Variants in CCDC39 observed in about 807,000 individuals in gnomAD.
CCDC39 encodes the protein coiled-coil domain 39 molecular ruler complex subunit.
In CCDC39, 113 loss-of-function variants were observed where a neutral mutation model predicts 121.0. The ratio of observed to expected loss-of-function variants is 0.93; its 90% CI spans 0.80 to 1.09. The LOEUF is 1.09. Ranked by LOEUF, CCDC39 falls within the 50% of genes least tolerant of loss-of-function variation. The pLI is 0.00. For missense variants in CCDC39, 1,063 were observed against 1,074.7 expected, an observed-to-expected ratio of 0.99 and a Z score of 0.15; for synonymous variants, 349 against 352.2, an observed-to-expected ratio of 0.99 and a Z score of 0.10.
Position 180,642,215 on chromosome 3 carries a change from A to AAAATGGTC in CCDC39, c.1666-22_1666-15dup. 1 of 1,501,794 alleles carries AAAATGGTC rather than the reference A, an allele frequency of 6.7e-7. No homozygotes were observed. Among genetic ancestry groups the AAAATGGTC allele is most frequent in the Non-Finnish European group, 9.0e-7 (1 of 1,114,320 alleles). The allele number at this position is 1,501,794 out of a possible 1,614,324, so 93.0% of individuals were successfully genotyped here. On this transcript the variant is annotated splice_polypyrimidine_tract_variant and intron_variant, in intron 12 of 19. Transcript: ENST00000476379. ...TATCATCAAATCCTATCAACGTAAC[A>AAAATGGTC]AAATGGTCAAATATTGAAATTATTT...
chr3:180,617,424 G>A (rs1179096492), intron 16 of CCDC39: 2 of 671,630 alleles, frequency 3.0e-6, no homozygotes, highest in African/African-American at 1.8e-5. Flanking sequence ...ACAGCCTCAG[G>A]CAGGTCCTTC....
chr3:180,666,781 C>T (rs1229769762), intron 1 of CCDC39, among the ~76,000 whole-genome samples: 1 of 152,016 alleles, frequency 6.6e-6, no homozygotes, highest in Non-Finnish European at 1.5e-5. Context: ...AAACTTACAT[C>T]ATGTGCAGGA....
chr3:180,667,361 T>A (rs1711908999), intron 1 of CCDC39, among the ~76,000 whole-genome samples: 1 of 152,228 alleles, frequency 6.6e-6, no homozygotes, highest in African/African-American at 2.4e-5. Flanking sequence ...TGGCACATTT[T>A]TAACAAAGTG....
At chr3:180,651,345 A>G in intron 9 of CCDC39, 56 bp downstream of exon 9, 1 of 1,408,884 alleles carries the variant, frequency 7.1e-7, no homozygotes, top group Non-Finnish European at 9.7e-7. Context: ...GAGTCTAATT[A>G]ATTCACTGTT....
chr3:180,636,535 T>C (rs1404078675), intron 13 of CCDC39, among the ~76,000 whole-genome samples: 1 of 152,222 alleles, frequency 6.6e-6, no homozygotes, highest in Non-Finnish European at 1.5e-5. Flanking sequence ...TTCAATGTTA[T>C]TTCTGTCAAA....
At chr3:180,655,663 G>A (rs576945230) in intron 6 of CCDC39, among the ~76,000 whole-genome samples, 1 of 152,226 alleles carries the variant, frequency 6.6e-6, no homozygotes, top group East Asian at 1.9e-4. Flanking sequence ...TTAAAGTGTA[G>A]GGTGGGAAGG....
intron 13 of CCDC39, among the ~76,000 whole-genome samples, chr3:180,632,475 T>G (rs1449832142): frequency 6.6e-6 from 1 of 152,140 alleles, no homozygotes; most frequent in African/African-American, 2.4e-5. Flanking sequence ...TGGTAAGATA[T>G]ATTTAGTGTC....
chr3:180,658,261 C>T lies in CCDC39; in HGVS notation c.738+1191G>A, dbSNP rs1189999274. Reference sequence around the variant, plus strand: ...TTTCAAAAAAAAAAGGTAGTATCAGCATTAATTAAAAGAACCTCCTTAAAA... The same window carrying T: ...TTTCAAAAAAAAAAGGTAGTATCAGTATTAATTAAAAGAACCTCCTTAAAA... On this transcript the variant is annotated intron_variant, in intron 6 of 19. Transcript: ENST00000476379. 1.3e-4 allele frequency among the ~76,000 whole-genome samples: 17 copies of T among 135,022 alleles called. 1 individual carries two copies. 88.6% of individuals were successfully genotyped at this position (135,022 alleles called of 152,430 possible).
intron 9 of CCDC39, among the ~76,000 whole-genome samples, chr3:180,649,069 G>A (rs986315998): frequency 6.6e-6 from 1 of 152,100 alleles, no homozygotes; most frequent in African/African-American, 2.4e-5. Context: ...ATTTAACTAT[G>A]AGTTTATATA....
chr3:180,646,525 ACCT>A (rs1243794290), intron 11 of CCDC39, among the ~76,000 whole-genome samples: 2 of 152,136 alleles, frequency 1.3e-5, no homozygotes, highest in Admixed American at 1.3e-4. Context: ...AGACGTTCTA[ACCT>A]TATTAACAGA....
chr3:180,651,409 C>G lies in CCDC39; in HGVS notation c.1159G>C (p.Asp387His). The change falls in exon 9 of 20, where the codon GAT (aspartate) becomes CAT (histidine). Residue 387 changes from aspartate (D) to histidine (H), a missense_variant. By Grantham distance (81) the Asp-to-His change is moderately conservative (BLOSUM62 -1). Coordinates refer to ENST00000476379, the MANE Select transcript of CCDC39 (RefSeq NM_181426.2). ...LEDMLKEEEK[D>H]VKEVDVQLNL... ...TTAAAACTAAACTTTACCTTCACAT[C>G]TTTTTCCTCCTCCTTTAGCATATCT... The G allele has an allele frequency of 6.4e-7, 1 of 1,555,732 alleles. No homozygotes were observed. Among genetic ancestry groups the G allele is most frequent in the Non-Finnish European group, 8.7e-7 (1 of 1,148,946 alleles).
chr3:180,676,259 A>C (rs1712200514), intron 1 of CCDC39, among the ~76,000 whole-genome samples: 1 of 152,264 alleles, frequency 6.6e-6, no homozygotes, highest in Non-Finnish European at 1.5e-5. Context: ...ACAAAGGGCT[A>C]ATATCCAGAA....
intron 13 of CCDC39, 65 bp from the exon 14 acceptor site, chr3:180,631,657 G>T: frequency 1.5e-6 from 2 of 1,370,494 alleles, no homozygotes; most frequent in Non-Finnish European, 9.9e-7. Context: ...GGACTATCAA[G>T]TGTTCTTATT....
chr3:180,673,919 C>G (rs955657910), intron 1 of CCDC39, among the ~76,000 whole-genome samples: 2 of 151,598 alleles, frequency 1.3e-5, no homozygotes, highest in Non-Finnish European at 2.9e-5. Flanking sequence ...GACTGGCAAT[C>G]TAGGATGCAA....
chr3:180,673,274 A>G (rs982210512), intron 1 of CCDC39, among the ~76,000 whole-genome samples: 4 of 152,254 alleles, frequency 2.6e-5, no homozygotes, highest in African/African-American at 9.6e-5. Flanking sequence ...CAATGTTATC[A>G]AACATTATTG....
At chr3:180,669,809 C>T (rs1345939918) in intron 1 of CCDC39, among the ~76,000 whole-genome samples, 1 of 152,076 alleles carries the variant, frequency 6.6e-6, no homozygotes, top group East Asian at 1.9e-4. Context: ...TTATCTTGAC[C>T]AGTATCTATA....
chr3:180,673,867 C>T (rs1408200991), intron 1 of CCDC39, among the ~76,000 whole-genome samples: 2 of 150,390 alleles, frequency 1.3e-5, no homozygotes, highest in Non-Finnish European at 2.9e-5. Context: ...AGAGCTGATG[C>T]TTTAAGATGT....
At chr3:180,668,540 G>A (rs16831833) in intron 1 of CCDC39, among the ~76,000 whole-genome samples, 3,119 of 152,188 alleles carry the variant, frequency 0.02, 37 homozygotes, top group Middle Eastern at 0.065. Flanking sequence ...TAGAGAGGCC[G>A]TCCCTGCCCA....
intron 14 of CCDC39, among the ~76,000 whole-genome samples, chr3:180,626,979 C>A (rs1717578992): frequency 6.6e-6 from 1 of 152,088 alleles, no homozygotes; most frequent in African/African-American, 2.4e-5. Flanking sequence ...ATTGAAAAAA[C>A]AAAAATTAAC....
Sources: allele counts gnomAD v4.1 joint callset (sites outside exome capture counted in the v4.1 genomes callset), GRCh38; gene constraint gnomAD v4.1.1; transcripts MANE v1.5; gene names NCBI Gene and HGNC (gene_info 2026-07-23, HGNC 2026-07-21).